Variants in HPD observed in about 807,000 individuals in gnomAD.
The protein encoded by HPD is 4-hydroxyphenylpyruvate dioxygenase.
Under a neutral mutation model 56.9 loss-of-function variants are expected in HPD, and 35 were observed. The observed-to-expected ratio is 0.62, with a 90% CI of 0.47 to 0.82. The LOEUF is 0.82. HPD is among the 40% of genes least tolerant of loss of function. HPD has a pLI of 0.00. For synonymous variants in HPD, 186 were observed against 200.2 expected, an observed-to-expected ratio of 0.93 and a Z score of 0.60; for missense variants, 442 against 506.8, an observed-to-expected ratio of 0.87 and a Z score of 1.23.
At chr12:121,880,028 T>C in the HPD span, among the ~76,000 whole-genome samples, 4 of 151,770 alleles carry the variant, frequency 2.6e-5, no homozygotes, top group Non-Finnish European at 5.9e-5. Context: ...ATGTATATGG[T>C]CCCAGCTATT....
At chr12:121,862,698 C>CTT (rs34868560), upstream of HPD, among the ~76,000 whole-genome samples, 23 of 54,994 alleles carry the variant, frequency 4.2e-4, no homozygotes, top group African/African-American at 1.4e-3. Context: ...TCAATGCAAG[C>CTT]TTTTTTTTTT....
chr12:121,852,560 G>A (rs1479343904), intron 7 of HPD, among the ~76,000 whole-genome samples: 1 of 149,204 alleles, frequency 6.7e-6, no homozygotes, highest in Admixed American at 6.7e-5. Context: ...GGTCATCTTT[G>A]CTGAGTGTCT....
chr12:121,885,857 C>T, the HPD span, among the ~76,000 whole-genome samples: 11 of 151,524 alleles, frequency 7.3e-5, no homozygotes, highest in Middle Eastern at 3.2e-3. Context: ...CCCAGCTACT[C>T]GGGAGGCAGG....
At chr12:121,876,930 C>T in the HPD span, among the ~76,000 whole-genome samples, 2 of 151,754 alleles carry the variant, frequency 1.3e-5, no homozygotes, top group East Asian at 1.9e-4. Flanking sequence ...CCCGTCTGTA[C>T]TAAAAATACA....
chr12:121,876,132 G>A, the HPD span, among the ~76,000 whole-genome samples: 22 of 152,132 alleles, frequency 1.4e-4, no homozygotes, highest in African/African-American at 3.9e-4. Flanking sequence ...TCAAAATGGC[G>A]AAACCCCATC....
Position 121,839,698 on chromosome 12 carries a change from T to C in HPD, c.*30A>G, listed in dbSNP as rs1156458564. 12 of 1,479,304 alleles carry C rather than the reference T, an allele frequency of 8.1e-6. No homozygotes were observed. The Admixed American group carries it at 1.8e-4, about 23-fold the overall frequency. The allele number at this position is 1,479,304 out of a possible 1,614,324, so 91.6% of individuals were successfully genotyped here. A position where few individuals can be genotyped will look rare whatever the true frequency, so the allele number is the denominator to read the frequency against. The stretch of plus-strand genomic sequence containing the variant: ...TCCAGAATCAGGGGGCGTGGCTGTG[T>C]GGCTGTGGCCTCCGTGGGGTGGGCG... On this transcript the variant is annotated 3_prime_UTR_variant, in exon 14 of 14. Transcript: ENST00000289004.
upstream of HPD, among the ~76,000 whole-genome samples, chr12:121,862,361 G>A (rs1878198588): frequency 1.3e-5 from 2 of 150,694 alleles, no homozygotes; most frequent in Admixed American, 6.6e-5. Flanking sequence ...GCAATGGTGC[G>A]ATCTCGGCTT....
chr12:121,880,474 G>A, the HPD span, among the ~76,000 whole-genome samples: 2 of 152,018 alleles, frequency 1.3e-5, no homozygotes, highest in African/African-American at 2.4e-5. Flanking sequence ...GATTATAGGC[G>A]TGAGCCACCA....
upstream of HPD, among the ~76,000 whole-genome samples, chr12:121,865,956 C>T (rs575818290): frequency 2.6e-5 from 4 of 151,948 alleles, no homozygotes; most frequent in Non-Finnish European, 5.9e-5. Context: ...CACTGCACTC[C>T]AGCCTGGGCA....
Position 121,856,823 on chromosome 12 carries a change from TC to T in HPD, c.199-199del, listed in dbSNP as rs1386466691. On this transcript the variant is annotated intron_variant, in intron 4 of 13. Coordinates refer to ENST00000289004, the MANE Select transcript of HPD (RefSeq NM_002150.3). Reference sequence around the variant, plus strand: ...GGCTTTCAGCCAGACCCCCTCTGGATCCTCAGAGGAACTGCTAGGTCAGGTC... The same window carrying T: ...GGCTTTCAGCCAGACCCCCTCTGGATCTCAGAGGAACTGCTAGGTCAGGTC... 4.7e-6 allele frequency: 3 copies of T among 633,588 alleles called. No individual in the cohort carries two copies. The Admixed American group carries it at 7.3e-5, about 15-fold the overall frequency. 39.2% of individuals were successfully genotyped at this position (633,588 alleles called of 1,614,324 possible).
intron 7 of HPD, among the ~76,000 whole-genome samples, chr12:121,853,895 C>G (rs1053655172): frequency 3.3e-5 from 5 of 151,012 alleles, no homozygotes; most frequent in African/African-American, 1.2e-4. Context: ...TGAGATCACG[C>G]GACTGCACTC....
chr12:121,867,432 C>CT (rs547913180), upstream of HPD, among the ~76,000 whole-genome samples: 60 of 145,906 alleles, frequency 4.1e-4, no homozygotes, highest in South Asian at 9.7e-3. Flanking sequence ...CTTTTCTTTT[C>CT]TTTTTTTTTT....
In HPD at chr12:121,857,323, C is replaced by G. The variant is rs1174625336; in HGVS notation, c.198+5G>C. 1 of 1,599,894 alleles carries G rather than the reference C, an allele frequency of 6.3e-7. No homozygotes were observed. The highest frequency in any genetic ancestry group is 8.6e-7 in the Non-Finnish European group (1 of 1,167,182). ...TTGGGGGCTGTCCTGGGGGTGGTGA[C>G]TCACCTTCCCTTGTTTGATTACATG... On this transcript the variant is annotated splice_donor_5th_base_variant and intron_variant, in intron 4 of 13. Transcript: ENST00000289004.
rs553933184 is a variant in HPD, at chr12:121,858,708, A to G, written c.9T>C (p.Thr3=). 1.3e-4 allele frequency: 205 copies of G among 1,614,060 alleles called. 1 individual carries two copies. In the South Asian group the frequency reaches 2.2e-3, roughly 17 times the overall value. The change falls in exon 2 of 14, where the codon ACT becomes ACC. Residue 3 remains threonine, a synonymous_variant. Coordinates refer to ENST00000289004, the MANE Select transcript of HPD (RefSeq NM_002150.3). MT[T]YSDKGAKPER... ...TTACCTTTGCCCCTTTGTCACTGTAAGTCGTCTAAGGAGAAAAAGAAGGAC... is the reference window on the plus strand; with the variant it reads ...TTACCTTTGCCCCTTTGTCACTGTAGGTCGTCTAAGGAGAAAAAGAAGGAC...
upstream of HPD, among the ~76,000 whole-genome samples, chr12:121,861,818 G>A (rs539195477): frequency 7.2e-5 from 11 of 152,190 alleles, no homozygotes; most frequent in South Asian, 1.9e-3. Flanking sequence ...TCTTAGCCTC[G>A]AGACAAACAG....
At chr12:121,878,997 C>T in the HPD span, among the ~76,000 whole-genome samples, 3 of 151,282 alleles carry the variant, frequency 2.0e-5, no homozygotes, top group Admixed American at 6.6e-5. Context: ...TAATACATAA[C>T]TTATAGGCCG....
the HPD span, among the ~76,000 whole-genome samples, chr12:121,874,791 C>T: frequency 1.7e-4 from 26 of 149,182 alleles, no homozygotes; most frequent in Admixed American, 1.7e-3. Context: ...GACGTAGTTT[C>T]GCTCTTGTTA....
the HPD span, among the ~76,000 whole-genome samples, chr12:121,879,482 G>GTTCTGTTCTGTTCTCTTCTCTTCTC: frequency 2.4e-4 from 36 of 148,012 alleles, no homozygotes; most frequent in African/African-American, 6.5e-4. Flanking sequence ...TTTCTCTTCT[G>GTTCTGTTCTGTTCTCTTCTCTTCTC]TTCTCTTCTC....
intron 6 of HPD, among the ~76,000 whole-genome samples, chr12:121,855,783 C>T (rs1426904240): frequency 6.6e-6 from 1 of 151,306 alleles, no homozygotes; most frequent in Admixed American, 6.6e-5. Context: ...CCAGCCTGAC[C>T]AACAAGGAGA....
Sources: allele counts gnomAD v4.1 joint callset (sites outside exome capture counted in the v4.1 genomes callset), GRCh38; gene constraint gnomAD v4.1.1; transcripts MANE v1.5; gene names NCBI Gene and HGNC (gene_info 2026-07-23, HGNC 2026-07-21).